The following SASH1 variants were observed in gnomAD, a reference collection of about 807,000 sequenced individuals.
SASH1 encodes SAM and SH3 domain-containing protein 1.
A neutral mutation model predicts 125.2 loss-of-function variants in SASH1; 44 were observed. That is an observed-to-expected ratio of 0.35 (90% confidence interval 0.28 to 0.45). The LOEUF (loss-of-function observed/expected upper bound fraction) is 0.45, where lower values mean the gene tolerates loss of function less well. Among genes scored for constraint, SASH1 ranks in the 20% least tolerant of loss-of-function variants. The pLI is 1.00. For synonymous variants in SASH1, 639 were observed against 649.1 expected (o/e 0.98, Z 0.24); for missense variants, 1,426 against 1,614.5 (o/e 0.88, Z 2.00).
chr6:148,417,586 T>TAAAA (rs1562393650), intron 2 of SASH1, among the ~76,000 whole-genome samples: 1 of 150,458 alleles, frequency 6.6e-6, no homozygotes, highest in African/African-American at 2.5e-5. Context: ...TCTGTCAAAA[T>TAAAA]AAATAAATAA....
intron 1 of SASH1, among the ~76,000 whole-genome samples, chr6:148,294,919 G>A (rs879324192): frequency 3.9e-5 from 6 of 152,220 alleles, no homozygotes; most frequent in Non-Finnish European, 7.4e-5. Flanking sequence ...CCAAAGAATG[G>A]GAATTAAAAA....
At chr6:148,307,498 A>G (rs1434112284) in intron 1 of SASH1, among the ~76,000 whole-genome samples, 1 of 152,166 alleles carries the variant, frequency 6.6e-6, no homozygotes, top group African/African-American at 2.4e-5. Flanking sequence ...TGCCAAGCCC[A>G]TTAAATAATA....
intron 1 of SASH1, among the ~76,000 whole-genome samples, chr6:148,334,133 A>G (rs1195041100): frequency 1.7e-5 from 1 of 57,468 alleles, no homozygotes; most frequent in Non-Finnish European, 3.3e-5. Context: ...ATTTTAAGAG[A>G]TAATAGCAGG....
chr6:148,505,761 C>CACACA (rs1779765418), intron 8 of SASH1, among the ~76,000 whole-genome samples: 1 of 152,106 alleles, frequency 6.6e-6, no homozygotes, highest in South Asian at 2.1e-4. Context: ...CTTCAGCCCC[C>CACACA]TGGGTAGCTG....
At chr6:148,339,025 G>A (rs73007562), upstream of SASH1, among the ~76,000 whole-genome samples, 72,271 of 121,758 alleles carry the variant, frequency 0.59, 21,921 homozygotes, top group East Asian at 0.76. Flanking sequence ...AAAAAAAAAA[G>A]AGAGAGAGAG....
At chr6:148,482,688 A>ATTTTTTTTTTTT (rs200708826) in intron 7 of SASH1, among the ~76,000 whole-genome samples, 7,042 of 99,190 alleles carry the variant, frequency 0.071, 845 homozygotes, top group Non-Finnish European at 0.1. Context: ...CACCTGGCTA[A>ATTTTTTTTTTTT]TTTTTTTTTT....
chr6:148,538,738 C>G (rs956329625), intron 16 of SASH1, among the ~76,000 whole-genome samples: 3 of 152,148 alleles, frequency 2.0e-5, no homozygotes, highest in African/African-American at 7.2e-5. Flanking sequence ...TTTTGATGAC[C>G]TGAGAAAAGG....
chr6:148,296,985 G>C (rs1277974651), intron 1 of SASH1, among the ~76,000 whole-genome samples: 1 of 152,216 alleles, frequency 6.6e-6, no homozygotes, highest in Admixed American at 6.5e-5. Context: ...TCAGCATGAG[G>C]TTAACCTAAG....
chr6:148,253,778 A>T, the SASH1 span, among the ~76,000 whole-genome samples: 1 of 152,176 alleles, frequency 6.6e-6, no homozygotes, highest in East Asian at 1.9e-4. Context: ...AGGCTGAGGC[A>T]GGAGAATCAC....
At chr6:148,440,055 C>T (rs1776478009) in intron 2 of SASH1, 129 bp from the exon 3 acceptor site, 1 of 741,996 alleles carries the variant, frequency 1.3e-6, no homozygotes, top group African/African-American at 1.8e-5. Context: ...CTGTTTATCT[C>T]TGCCATCTCC....
At chr6:148,194,341 T>C in the SASH1 span, among the ~76,000 whole-genome samples, 1 of 152,216 alleles carries the variant, frequency 6.6e-6, no homozygotes, top group Non-Finnish European at 1.5e-5. Context: ...GGTTTTTTGT[T>C]TTTAGTTATC....
In SASH1 at chr6:148,532,524, C is replaced by T. The variant is rs142137867; in HGVS notation, c.1565-273C>T. 4.4e-3 allele frequency among the ~76,000 whole-genome samples: 663 copies of T among 152,214 alleles called. 2 individuals carry two copies. The highest frequency in any genetic ancestry group is 6.7e-3 in the Non-Finnish European group (457 of 68,006). ...TTAAGAGCAGAGTCTGGTGCCTGGC[C>T]CTGCAGTGTCCTCCACGCGGGATCC... On this transcript the variant is annotated intron_variant, in intron 13 of 19. Coordinates refer to ENST00000367467, the MANE Select transcript of SASH1 (RefSeq NM_015278.5). This position sits in a 1 kb window ranked among gnomAD's most constrained non-coding sequence, Gnocchi z 4.7.
At chr6:148,321,796 C>T (rs1780640340) in intron 1 of SASH1, among the ~76,000 whole-genome samples, 1 of 152,118 alleles carries the variant, frequency 6.6e-6, no homozygotes, top group African/African-American at 2.4e-5. Context: ...GCAGTCCTTA[C>T]CTCCTTACTT....
upstream of SASH1, among the ~76,000 whole-genome samples, chr6:148,270,339 G>A (rs947852759): frequency 5.9e-5 from 9 of 151,710 alleles, no homozygotes; most frequent in South Asian, 4.2e-4. Context: ...CCCACTGCTC[G>A]CTGGCAATAT....
chr6:148,272,265 T>C (rs1779079642), upstream of SASH1: 1 of 446,098 alleles, frequency 2.2e-6, no homozygotes. Flanking sequence ...CAGATTCCCA[T>C]TTAGAGCCTT....
chr6:148,318,958 A>G (rs1202968227), intron 1 of SASH1, among the ~76,000 whole-genome samples: 2 of 150,944 alleles, frequency 1.3e-5, no homozygotes, highest in Non-Finnish European at 2.9e-5. Context: ...CCTTCAAGAC[A>G]TCATATCATC....
chr6:148,522,231 G>A (rs1410328957), intron 10 of SASH1, among the ~76,000 whole-genome samples: 2 of 152,170 alleles, frequency 1.3e-5, no homozygotes, highest in Non-Finnish European at 2.9e-5. Flanking sequence ...TCAGTAGGAA[G>A]TTATATATTT....
At chr6:148,480,070 A>T (rs1778547839) in intron 7 of SASH1, 1 of 152,154 alleles carries the variant, frequency 6.6e-6, no homozygotes, top group Non-Finnish European at 1.5e-5. Flanking sequence ...TCAAGATTGA[A>T]ACTCCCCAGC....
intron 4 of SASH1, among the ~76,000 whole-genome samples, chr6:148,445,276 CAGGTCTCAGCCT>C (rs1776723529): frequency 6.6e-6 from 1 of 152,162 alleles, no homozygotes; most frequent in Non-Finnish European, 1.5e-5. Context: ...TGCAGCCCAG[CAGGTCTCAGCCT>C]TATTTTACCC....
Sources: allele counts gnomAD v4.1 joint callset (sites outside exome capture counted in the v4.1 genomes callset), GRCh38; gene constraint gnomAD v4.1.1; non-coding constraint Gnocchi (gnomAD v3.1); transcripts MANE v1.5; gene names NCBI Gene and HGNC (gene_info 2026-07-23, HGNC 2026-07-21).